Variants in PHLPP2 observed in about 807,000 individuals in gnomAD.
PHLPP2 encodes the protein PH domain and leucine rich repeat protein phosphatase 2.
A neutral mutation model predicts 124.9 loss-of-function variants in PHLPP2; 66 were observed. That is an observed-to-expected ratio of 0.53 (90% CI 0.43 to 0.65). PHLPP2 has a LOEUF of 0.65. Ranked by LOEUF, PHLPP2 falls within the 30% of genes least tolerant of loss-of-function variation. The pLI is 0.00. For missense variants in PHLPP2, 1,685 were observed against 1,600.4 expected, an observed-to-expected ratio of 1.05 and a Z score of -0.90; for synonymous variants, 681 against 624.7, an observed-to-expected ratio of 1.09 and a Z score of -1.34.
At chr16:71,667,632 TA>T (rs1427296879) in intron 11 of PHLPP2, among the ~76,000 whole-genome samples, 2 of 152,250 alleles carry the variant, frequency 1.3e-5, no homozygotes, top group African/African-American at 4.8e-5. Context: ...ATTTTAAGTC[TA>T]AGCAGCACCA....
intron 4 of PHLPP2, among the ~76,000 whole-genome samples, chr16:71,686,437 G>C (rs898385883): frequency 1.3e-5 from 2 of 151,998 alleles, no homozygotes; most frequent in African/African-American, 2.4e-5. Context: ...GCCTCCCAAA[G>C]TGCTAGGATT....
chr16:71,708,117 A>G (rs2045293225), intron 2 of PHLPP2, among the ~76,000 whole-genome samples: 1 of 152,054 alleles, frequency 6.6e-6, no homozygotes, highest in East Asian at 1.9e-4. Context: ...ATCGCCCATT[A>G]TCTCTCCATA....
intron 16 of PHLPP2, 82 bp from the exon 17 acceptor site, chr16:71,655,516 T>TC: frequency 8.9e-7 from 1 of 1,121,746 alleles, no homozygotes; most frequent in East Asian, 2.4e-5. Flanking sequence ...TTTTTTTTTT[T>TC]TTTTGAGAGG....
At position 71,663,735 on chromosome 16, in the gene PHLPP2, TACTA is replaced by T. The variant is rs375444881; in HGVS notation, c.1985+160_1985+163del. 3.5e-3 allele frequency among the ~76,000 whole-genome samples: 528 copies of T among 152,336 alleles called. 6 individuals carry two copies. Among genetic ancestry groups the T allele is most frequent in the African/African-American group, 0.012 (495 of 41,566 alleles). ...TCCTGGTTACCAATACTTAACAGGG[TACTA>T]ACTATTAAGATGAGATTTTGCCACT... On this transcript the variant is annotated intron_variant, in intron 13 of 18. Coordinates refer to ENST00000568954, the MANE Select transcript of PHLPP2 (RefSeq NM_015020.3).
At chr16:71,678,523 C>T (rs1296071155) in intron 8 of PHLPP2, 3 of 468,840 alleles carry the variant, frequency 6.4e-6, no homozygotes, top group African/African-American at 5.9e-5. Context: ...ACCTGAAGTC[C>T]CAACTACTCG....
At chr16:71,676,872 C>T (rs1358095119) in intron 8 of PHLPP2, 1 of 486,644 alleles carries the variant, frequency 2.1e-6, no homozygotes, top group Non-Finnish European at 3.7e-6. Context: ...CTTCAGCCTC[C>T]CAAGTTGCTG....
At chr16:71,656,258 T>C (rs1440265309) in intron 16 of PHLPP2, among the ~76,000 whole-genome samples, 2 of 152,118 alleles carry the variant, frequency 1.3e-5, no homozygotes, top group African/African-American at 2.4e-5. Context: ...GGCCATTCTA[T>C]TGCTGGGTAT....
At chr16:71,676,750 G>A in intron 8 of PHLPP2, 101 bp from the exon 9 acceptor site, 2 of 861,346 alleles carry the variant, frequency 2.3e-6, no homozygotes, top group East Asian at 2.6e-5. Flanking sequence ...CCCTTTCTCT[G>A]TTTACTTTTT....
intron 11 of PHLPP2, among the ~76,000 whole-genome samples, chr16:71,668,583 A>T (rs113719795): frequency 4.6e-5 from 7 of 152,022 alleles, no homozygotes; most frequent in African/African-American, 1.7e-4. Flanking sequence ...CCAATATAGC[A>T]AAGCCCCGTC....
At chr16:71,689,637 A>T (rs1289262928) in intron 4 of PHLPP2, among the ~76,000 whole-genome samples, 1 of 151,732 alleles carries the variant, frequency 6.6e-6, no homozygotes, top group Non-Finnish European at 1.5e-5. Flanking sequence ...ACCTCAAGTG[A>T]TCCGCCCACC....
At position 71,690,414 on chromosome 16, in the gene PHLPP2, C is replaced by A. The variant is rs994164561; in HGVS notation, c.609+105G>T. The A allele has an allele frequency of 1.0e-4, 81 of 810,188 alleles. No homozygotes were observed. In the African/African-American group the frequency reaches 1.3e-3, roughly 13 times the overall value. The allele number at this position is 810,188 out of a possible 1,614,324, so 50.2% of individuals were successfully genotyped here. A position where few individuals can be genotyped will look rare whatever the true frequency, so the allele number is the denominator to read the frequency against. On this transcript the variant is annotated intron_variant, in intron 4 of 18. Coordinates refer to ENST00000568954, the MANE Select transcript of PHLPP2 (RefSeq NM_015020.3). ...GATATAATCTTTAATAATGCCCATA[C>A]TGGCTTCTTTGAAAAGATATGACTA...
chr16:71,663,029 C>T (rs931254167), intron 13 of PHLPP2, among the ~76,000 whole-genome samples: 1 of 152,138 alleles, frequency 6.6e-6, no homozygotes, highest in African/African-American at 2.4e-5. Context: ...GGAGCCTAGC[C>T]CCATCCCCAG....
chr16:71,664,583 C>T (rs1194171858), intron 12 of PHLPP2, among the ~76,000 whole-genome samples: 2 of 151,760 alleles, frequency 1.3e-5, no homozygotes, highest in East Asian at 1.9e-4. Flanking sequence ...CCCGTCTCTA[C>T]TAAAAAAAAA....
chr16:71,662,003 T>C (rs1359991133), intron 13 of PHLPP2, among the ~76,000 whole-genome samples: 1 of 151,982 alleles, frequency 6.6e-6, no homozygotes, highest in Non-Finnish European at 1.5e-5. Flanking sequence ...TTTGTATTTT[T>C]AGTAGAGACG....
Position 71,690,540 on chromosome 16 carries a change from A to C in PHLPP2, c.588T>G (p.Ile196Met), listed in dbSNP as rs1307678899. The C allele has an allele frequency of 1.2e-6, 2 of 1,608,868 alleles. No individual in the cohort carries two copies. Among genetic ancestry groups the C allele is most frequent in the East Asian group, 4.5e-5 (2 of 44,860 alleles). Residue 196 changes from isoleucine (I) to methionine (M), a missense_variant, in exon 4 of 19, where the codon ATT (isoleucine) becomes ATG (methionine). Ile to Met is a conservative substitution (Grantham distance 10). Coordinates refer to ENST00000568954, the MANE Select transcript of PHLPP2 (RefSeq NM_015020.3). ...VKDCQTGKMH[I>M]LPLVGGKIEE... ...TTACCTTTCCACCAACCAGAGGCAA[A>C]ATGTGCATCTTTCCAGTTTGACAAT...
intron 17 of PHLPP2, 74 bp from the exon 18 acceptor site, chr16:71,653,095 CCTTCTT>C: frequency 1.3e-6 from 1 of 768,994 alleles, no homozygotes; most frequent in Non-Finnish European, 2.0e-6. Context: ...CACGTACATC[CCTTCTT>C]TTTTTTTTTT....
chr16:71,655,773 A>G (rs1017872831), intron 16 of PHLPP2, among the ~76,000 whole-genome samples: 16 of 152,126 alleles, frequency 1.1e-4, no homozygotes, highest in Middle Eastern at 3.4e-3. Flanking sequence ...TACAGGTGTG[A>G]GCCACCGCGC....
At chr16:71,679,353 G>A in intron 7 of PHLPP2, 36 bp downstream of exon 7, 3 of 1,593,802 alleles carry the variant, frequency 1.9e-6, no homozygotes, top group South Asian at 2.2e-5. Context: ...TCCTTATTCT[G>A]CAAGGGAAAA....
intron 6 of PHLPP2, among the ~76,000 whole-genome samples, chr16:71,679,859 G>A (rs1051680966): frequency 2.0e-5 from 3 of 152,184 alleles, no homozygotes; most frequent in Admixed American, 2.0e-4. Flanking sequence ...GAGGCAGGTG[G>A]ATCACGAGGT....
Sources: allele counts gnomAD v4.1 joint callset (sites outside exome capture counted in the v4.1 genomes callset), GRCh38; gene constraint gnomAD v4.1.1; transcripts MANE v1.5; gene names NCBI Gene and HGNC (gene_info 2026-07-23, HGNC 2026-07-21).